KCNH8: variants seen among roughly 807,000 people sequenced by gnomAD.
The protein encoded by KCNH8 is voltage-gated delayed rectifier potassium channel KCNH8.
Under a neutral mutation model 103.6 loss-of-function variants are expected in KCNH8, and 70 were observed. The ratio of observed to expected loss-of-function variants is 0.68; its 90% confidence interval spans 0.56 to 0.82. KCNH8 has a LOEUF of 0.82. Ranked by LOEUF, KCNH8 falls within the 40% of genes least tolerant of loss-of-function variation. KCNH8 has a pLI of 0.00. For synonymous variants in KCNH8, 498 were observed against 489.4 expected, an observed-to-expected ratio of 1.02 and a Z score of -0.23; for missense variants, 1,217 against 1,329.9, an observed-to-expected ratio of 0.92 and a Z score of 1.32.
intron 11 of KCNH8, among the ~76,000 whole-genome samples, chr3:19,501,858 A>C (rs975327969): frequency 3.3e-5 from 5 of 152,136 alleles, no homozygotes; most frequent in African/African-American, 1.2e-4. Context: ...CCCTTTGAAA[A>C]CTGGCACAAG....
chr3:19,312,604 G>T (rs564090425), intron 3 of KCNH8, among the ~76,000 whole-genome samples: 1 of 152,016 alleles, frequency 6.6e-6, no homozygotes, highest in East Asian at 1.9e-4. Flanking sequence ...GCCAATCACA[G>T]CTTCTCGTCA....
chr3:19,347,193 C>G (rs776002594), intron 4 of KCNH8, among the ~76,000 whole-genome samples: 1 of 151,980 alleles, frequency 6.6e-6, no homozygotes, highest in Admixed American at 6.6e-5. Context: ...GTAGTTAGCA[C>G]GACTTGGCTA....
intron 5 of KCNH8, among the ~76,000 whole-genome samples, chr3:19,368,557 A>C (rs1175833045): frequency 6.6e-6 from 1 of 152,052 alleles, no homozygotes; most frequent in African/African-American, 2.4e-5. Context: ...GACTAGCCTT[A>C]CTACAGACTA....
chr3:19,235,012 T>G (rs985602136), intron 1 of KCNH8, among the ~76,000 whole-genome samples: 1 of 152,234 alleles, frequency 6.6e-6, no homozygotes, highest in African/African-American at 2.4e-5. Context: ...GTTAAATGTA[T>G]GTATAGTTCG....
chr3:19,512,386 TC>T (rs1392254455), intron 12 of KCNH8, among the ~76,000 whole-genome samples: 18 of 152,176 alleles, frequency 1.2e-4, no homozygotes, highest in African/African-American at 4.3e-4. Flanking sequence ...GTGGTTTGCT[TC>T]TTTTCTTGCT....
intron 1 of KCNH8, among the ~76,000 whole-genome samples, chr3:19,212,957 G>A (rs1180022599): frequency 6.6e-6 from 1 of 152,136 alleles, no homozygotes; most frequent in Non-Finnish European, 1.5e-5. Flanking sequence ...TGAGAAAACT[G>A]AAGACTAAGG....
intron 3 of KCNH8, among the ~76,000 whole-genome samples, chr3:19,292,191 T>A (rs1194757893): frequency 6.6e-6 from 1 of 152,232 alleles, no homozygotes; most frequent in East Asian, 1.9e-4. Flanking sequence ...TGCTTTGGAA[T>A]GTTGGTTGAT....
At chr3:19,150,990 T>C (rs1166640193) in intron 1 of KCNH8, among the ~76,000 whole-genome samples, 1 of 152,092 alleles carries the variant, frequency 6.6e-6, no homozygotes, top group Non-Finnish European at 1.5e-5. Flanking sequence ...AAGAGGGTTT[T>C]CTTTTCTCAT....
intron 15 of KCNH8, among the ~76,000 whole-genome samples, chr3:19,528,706 A>T (rs1165990186): frequency 6.6e-6 from 1 of 152,124 alleles, no homozygotes; most frequent in African/African-American, 2.4e-5. Flanking sequence ...TAAAATCATG[A>T]TATAAAATAA....
At chr3:19,224,953 A>T (rs1419809881) in intron 1 of KCNH8, among the ~76,000 whole-genome samples, 1 of 152,128 alleles carries the variant, frequency 6.6e-6, no homozygotes, top group Admixed American at 6.5e-5. Context: ...GAATGAAGTA[A>T]AACAGTTAAG....
chr3:19,284,711 T>C (rs1176956613), intron 3 of KCNH8, among the ~76,000 whole-genome samples: 1 of 152,112 alleles, frequency 6.6e-6, no homozygotes, highest in Non-Finnish European at 1.5e-5. Flanking sequence ...GTGTTACTTA[T>C]GGAGTGAATT....
chr3:19,341,080 G>T (rs1270018869), intron 3 of KCNH8, among the ~76,000 whole-genome samples: 1 of 152,058 alleles, frequency 6.6e-6, no homozygotes, highest in African/African-American at 2.4e-5. Flanking sequence ...CTCTTTTCTT[G>T]ATTCTTCTTT....
chr3:19,335,367 A>G (rs1017940340), intron 3 of KCNH8, among the ~76,000 whole-genome samples: 2 of 151,104 alleles, frequency 1.3e-5, no homozygotes, highest in African/African-American at 4.9e-5. Flanking sequence ...TTCTATATTC[A>G]GTTTACTAAT....
chr3:19,325,035 A>C (rs1307184846), intron 3 of KCNH8, among the ~76,000 whole-genome samples: 1 of 152,108 alleles, frequency 6.6e-6, no homozygotes, highest in Admixed American at 6.6e-5. Flanking sequence ...ATAAGACCAC[A>C]TGCTTACTTA....
intron 7 of KCNH8, among the ~76,000 whole-genome samples, chr3:19,414,896 T>C (rs1388232945): frequency 6.6e-6 from 1 of 152,032 alleles, no homozygotes; most frequent in Non-Finnish European, 1.5e-5. Context: ...TTATGATTAA[T>C]ATAATAGAAA....
intron 11 of KCNH8, among the ~76,000 whole-genome samples, chr3:19,469,641 G>A (rs2067814146): frequency 1.3e-5 from 2 of 152,108 alleles, no homozygotes; most frequent in African/African-American, 4.8e-5. Flanking sequence ...ATGTCTTTCA[G>A]TAGATTCAGA....
chr3:19,369,125 T>G (rs1243002744), intron 5 of KCNH8, among the ~76,000 whole-genome samples: 1 of 152,040 alleles, frequency 6.6e-6, no homozygotes, highest in African/African-American at 2.4e-5. Context: ...GGAAATTAGG[T>G]ATAAACATAT....
intron 1 of KCNH8, among the ~76,000 whole-genome samples, chr3:19,175,979 G>A (rs1376712513): frequency 6.6e-6 from 1 of 152,110 alleles, no homozygotes; most frequent in Non-Finnish European, 1.5e-5. Context: ...GGGAGTTTAG[G>A]ATCAATTTAG....
intron 3 of KCNH8, among the ~76,000 whole-genome samples, chr3:19,287,888 A>G (rs1358791790): frequency 2.0e-5 from 3 of 152,074 alleles, no homozygotes; most frequent in African/African-American, 7.2e-5. Flanking sequence ...CCAGCCCCAC[A>G]TTCGACTTTC....
Sources: gnomAD v4.1 joint callset for allele counts (sites outside exome capture counted in the v4.1 genomes callset) on GRCh38, gnomAD v4.1.1 for gene constraint, MANE v1.5 for transcripts, NCBI Gene and HGNC (gene_info 2026-07-23, HGNC 2026-07-21) for gene names.